The following HMGXB3 variants were observed in gnomAD, a reference collection of about 807,000 sequenced individuals.
The protein encoded by HMGXB3 is HMG domain-containing protein 3.
HMGXB3 carries 45 observed loss-of-function variants against 121.5 expected under a neutral mutation model. The ratio of observed to expected loss-of-function variants is 0.37; its 90% confidence interval spans 0.29 to 0.47. The LOEUF is 0.47. Among genes scored for constraint, HMGXB3 ranks in the 20% least tolerant of loss-of-function variants. HMGXB3 has a pLI of 0.99. For missense variants in HMGXB3, 1,376 were observed against 1,602.2 expected (o/e 0.86, Z 2.41); for synonymous variants, 590 against 624.1 (o/e 0.95, Z 0.81).
chr5:150,047,928 G>A (rs1469579064), intron 17 of HMGXB3, among the ~76,000 whole-genome samples, 171 bp downstream of exon 17: 1 of 152,228 alleles, frequency 6.6e-6, no homozygotes, highest in East Asian at 1.9e-4. Flanking sequence ...TGTATGTGGG[G>A]CCTGGCCTCT....
intron 7 of HMGXB3, among the ~76,000 whole-genome samples, chr5:150,026,322 A>G (rs1005528399): frequency 2.0e-5 from 3 of 152,218 alleles, no homozygotes; most frequent in Admixed American, 6.5e-5. Flanking sequence ...TGAAGCAAAC[A>G]TGGACTCTGT....
intron 6 of HMGXB3, chr5:150,022,014 G>T (rs1237512799): frequency 5.4e-6 from 2 of 368,192 alleles, no homozygotes; most frequent in South Asian, 4.2e-5. Context: ...GCGGACCGCA[G>T]CTCCGCACCA....
Position 150,010,370 on chromosome 5 carries a change from A to G in HMGXB3, c.572A>G (p.Glu191Gly), listed in dbSNP as rs1561851416. 1.3e-6 allele frequency: 2 copies of G among 1,551,526 alleles called. No homozygotes were observed. Among genetic ancestry groups the G allele is most frequent in the East Asian group, 4.9e-5 (2 of 40,898 alleles). Residue 191 changes from glutamate to glycine, a missense_variant, in exon 4 of 20, where the codon GAG becomes GGG. Coordinates refer to ENST00000502717, the MANE Select transcript of HMGXB3 (RefSeq NM_014983.3). The part of the protein sequence containing the change: ...QCLAVEALAE[E>G]VGALTQSGAV... The stretch of plus-strand genomic sequence containing the variant: ...CTGGCTGTGGAGGCCCTGGCTGAGG[A>G]GGTGGGAGCCCTTACCCAGTCAGGT...
At chr5:150,005,644 A>G (rs948834434) in intron 2 of HMGXB3, among the ~76,000 whole-genome samples, 1 of 152,156 alleles carries the variant, frequency 6.6e-6, no homozygotes, top group Non-Finnish European at 1.5e-5. Context: ...ACACACAAAA[A>G]GAAATAATAC....
At chr5:150,037,334 C>T (rs1756523121) in intron 12 of HMGXB3, 66 bp from the exon 13 acceptor site, 2 of 1,411,220 alleles carry the variant, frequency 1.4e-6, no homozygotes, top group Non-Finnish European at 1.9e-6. Context: ...GATCACTGAG[C>T]CCTGGAACTC....
intron 9 of HMGXB3, 57 bp downstream of exon 9, chr5:150,027,174 T>C: frequency 7.4e-7 from 1 of 1,359,240 alleles, no homozygotes; most frequent in Non-Finnish European, 1.0e-6. Flanking sequence ...TTCCATGTAA[T>C]GTATCAAAGC....
chr5:150,030,871 C>T, intron 10 of HMGXB3, 32 bp downstream of exon 10: 1 of 1,492,522 alleles, frequency 6.7e-7, no homozygotes, highest in African/African-American at 1.4e-5. Flanking sequence ...GGTGGGTTGA[C>T]ATGGAGGTTG....
intron 16 of HMGXB3, 27 bp from the exon 17 acceptor site, chr5:150,047,593 ACCCT>A (rs1756788005): frequency 6.4e-7 from 1 of 1,550,786 alleles, no homozygotes; most frequent in Non-Finnish European, 8.7e-7. Flanking sequence ...TGGCGGCAGC[ACCCT>A]CCCACCAGCA....
intron 9 of HMGXB3, 169 bp from the exon 10 acceptor site, chr5:150,030,572 C>A: frequency 1.7e-6 from 1 of 593,924 alleles, no homozygotes. Context: ...GAACATGACA[C>A]TCAGCCTTTG....
intron 18 of HMGXB3, among the ~76,000 whole-genome samples, chr5:150,049,014 C>T (rs1177595501): frequency 1.3e-5 from 2 of 152,194 alleles, no homozygotes; most frequent in Non-Finnish European, 2.9e-5. Context: ...GTGGCATTGG[C>T]TCTGAAGAAA....
chr5:150,020,596 CT>C lies in HMGXB3; in HGVS notation c.1041+1909del, dbSNP rs556921292. The stretch of plus-strand genomic sequence containing the variant: ...TGGTTTTTTTTCCACTTTGAAATAA[CT>C]TTTTTTTTTGGGACAGAGTCTCTTG... On this transcript the variant is annotated intron_variant, in intron 6 of 19. Transcript: ENST00000502717. Among the ~76,000 whole-genome samples, 53 of 148,772 alleles carry C rather than the reference CT, an allele frequency of 3.6e-4. 1 individual carries two copies. In the South Asian group the frequency reaches 5.6e-3, roughly 16 times the overall value.
intron 15 of HMGXB3, among the ~76,000 whole-genome samples, chr5:150,043,067 C>T (rs144895720): frequency 6.6e-6 from 1 of 152,132 alleles, no homozygotes; most frequent in African/African-American, 2.4e-5. Flanking sequence ...AAGGTTGTTT[C>T]AGCAGTAGGA....
intron 5 of HMGXB3, among the ~76,000 whole-genome samples, chr5:150,017,432 G>A (rs1755982733): frequency 1.3e-5 from 2 of 152,208 alleles, no homozygotes; most frequent in South Asian, 2.1e-4. Flanking sequence ...AGCAAGACAC[G>A]CCTATAAAAT....
intron 3 of HMGXB3, 86 bp from the exon 4 acceptor site, chr5:150,010,025 A>T: frequency 5.1e-6 from 7 of 1,367,696 alleles, no homozygotes; most frequent in Non-Finnish European, 6.8e-6. Flanking sequence ...AAGAACTTAC[A>T]CATATATATA....
rs967944771 is a variant in HMGXB3, at chr5:150,052,795, T to A, written c.*603T>A. 2 of 153,330 alleles carry A rather than the reference T, an allele frequency of 1.3e-5. No homozygotes were observed. Among genetic ancestry groups the A allele is most frequent in the Non-Finnish European group, 2.9e-5 (2 of 68,958 alleles). The allele number at this position is 153,330 out of a possible 1,614,324, so 9.5% of individuals were successfully genotyped here. On this transcript the variant is annotated 3_prime_UTR_variant, in exon 20 of 20. Transcript: ENST00000502717. ...GAGGAACAGTCAGCCACAGCTCTCT[T>A]CCAGCACTGTCCTCTCCACCCCAAG...
intron 15 of HMGXB3, among the ~76,000 whole-genome samples, chr5:150,045,138 C>A (rs868219013): frequency 6.6e-6 from 1 of 152,206 alleles, no homozygotes; most frequent in African/African-American, 2.4e-5. Flanking sequence ...TAGTTCATTA[C>A]AAAGTGTCTG....
At chr5:150,017,670 G>T (rs367793567) in intron 5 of HMGXB3, among the ~76,000 whole-genome samples, 1 of 152,204 alleles carries the variant, frequency 6.6e-6, no homozygotes, top group Non-Finnish European at 1.5e-5. Flanking sequence ...GTAGCTAATG[G>T]TAGTTTGGTG....
intron 11 of HMGXB3, among the ~76,000 whole-genome samples, chr5:150,036,118 A>G (rs1452204653): frequency 6.6e-6 from 1 of 152,194 alleles, no homozygotes; most frequent in African/African-American, 2.4e-5. Context: ...CATATCCAGA[A>G]CTGAAACCTG....
Position 150,033,659 on chromosome 5 carries a change from G to A in HMGXB3, c.1983+1056G>A, listed in dbSNP as rs373797576. Among the ~76,000 whole-genome samples the A allele has an allele frequency of 3.3e-5, 5 of 152,260 alleles. No individual in the cohort carries two copies. The East Asian group carries it at 9.6e-4, about 29-fold the overall frequency. On this transcript the variant is annotated intron_variant, in intron 11 of 19. Coordinates refer to ENST00000502717, the MANE Select transcript of HMGXB3 (RefSeq NM_014983.3). ...TGTCAGTTTGTTCTTTAGTCAGTGGGGTCCTACTGAATGTCCTTGAGCCGG... is the reference window on the plus strand; with the variant it reads ...TGTCAGTTTGTTCTTTAGTCAGTGGAGTCCTACTGAATGTCCTTGAGCCGG...
Sources: gnomAD v4.1 joint callset for allele counts (sites outside exome capture counted in the v4.1 genomes callset) on GRCh38, gnomAD v4.1.1 for gene constraint, MANE v1.5 for transcripts, NCBI Gene and HGNC (gene_info 2026-07-23, HGNC 2026-07-21) for gene names.